ACO2: variants seen among roughly 807,000 people sequenced by gnomAD.
The protein encoded by ACO2 is aconitase 2.
In ACO2, 31 loss-of-function variants were observed where a neutral mutation model predicts 84.5. The observed-to-expected ratio is 0.37, with a 90% CI of 0.28 to 0.50. ACO2 has a LOEUF of 0.50. Among genes scored for constraint, ACO2 ranks in the 20% least tolerant of loss-of-function variants. The probability of loss-of-function intolerance (pLI) is 0.97; values close to 1 mark genes in which losing one functional copy is unlikely to be tolerated. For missense variants in ACO2, 685 were observed against 1,029.3 expected, an observed-to-expected ratio of 0.67 and a Z score of 4.58; for synonymous variants, 414 against 412.7, an observed-to-expected ratio of 1.00 and a Z score of -0.04.
At chr22:41,469,813 G>A (rs1428237869) in intron 1 of ACO2, among the ~76,000 whole-genome samples, 1 of 134,248 alleles carries the variant, frequency 7.4e-6, no homozygotes. Flanking sequence ...TCCTGTAATC[G>A]TAGGAATGAG....
At chr22:41,509,162 C>G (rs1021710092) in intron 3 of ACO2, among the ~76,000 whole-genome samples, 15 of 152,204 alleles carry the variant, frequency 9.9e-5, no homozygotes, top group Non-Finnish European at 2.2e-4. Context: ...AACGTGGGTC[C>G]TCTGCAGCCC....
chr22:41,525,317 A>C lies in ACO2; in HGVS notation c.1730A>C (p.Lys577Thr). ...LLEPFDKWDGKDLEDLQILIK... is the reference protein window; with the variant it reads ...LLEPFDKWDGTDLEDLQILIK... ...GAGCCTTTTGACAAGTGGGATGGCA[A>C]GGACCTGGAGGACCTGCAGATCCTC... The change falls in exon 14 of 18, where the codon AAG becomes ACG. Residue 577 changes from lysine to threonine, a missense_variant. Lys to Thr is a moderately conservative substitution (Grantham distance 78). Coordinates refer to ENST00000216254, the MANE Select transcript of ACO2 (RefSeq NM_001098.3). 1.2e-6 allele frequency: 2 copies of C among 1,614,014 alleles called. No homozygotes were observed. The highest frequency in any genetic ancestry group is 1.7e-6 in the Non-Finnish European group (2 of 1,180,012).
At chr22:41,506,397 C>G (rs914195538) in intron 2 of ACO2, among the ~76,000 whole-genome samples, 2 of 152,106 alleles carry the variant, frequency 1.3e-5, no homozygotes, top group Non-Finnish European at 2.9e-5. Flanking sequence ...GGACTACAGG[C>G]GCCCGCCACC....
At chr22:41,527,169 C>T in intron 15 of ACO2, 119 bp from the exon 16 acceptor site, 1 of 1,504,660 alleles carries the variant, frequency 6.6e-7, no homozygotes, top group Non-Finnish European at 9.1e-7. Context: ...CCTCCAGCCC[C>T]TTTACCGGGA....
In ACO2 at chr22:41,527,311, G is replaced by A. The variant is rs773274938; in HGVS notation, c.1977G>A (p.Val659=). 33 of 1,614,060 alleles carry A rather than the reference G, an allele frequency of 2.0e-5. No homozygotes were observed. The South Asian group carries it at 3.6e-4, about 18-fold the overall frequency. Residue 659 remains valine, a synonymous_variant, in exon 16 of 18, where the codon GTG becomes GTA. Transcript: ENST00000216254. Reference sequence around the variant, plus strand: ...AGAAACATGGCATCAGGTGGGTGGTGATCGGAGACGAGAACTACGGCGAGG... The same window carrying A: ...AGAAACATGGCATCAGGTGGGTGGTAATCGGAGACGAGAACTACGGCGAGG... ...YYKKHGIRWV[V]IGDENYGEGS...
chr22:41,511,965 C>G lies in ACO2; in HGVS notation c.522C>G (p.His174Gln). Reference sequence around the variant, plus strand: ...GGAAGCCTGGATCTGGAATCATTCACCAGGTAAAGCTGGGCTCAGTCTGCC... The same window carrying G: ...GGAAGCCTGGATCTGGAATCATTCAGCAGGTAAAGCTGGGCTCAGTCTGCC... The part of the protein sequence containing the change: ...GFWKPGSGII[H>Q]QIILENYAYP... Residue 174 changes from histidine to glutamine, a missense_variant, in exon 4 of 18, where the codon CAC becomes CAG. Coordinates refer to ENST00000216254, the MANE Select transcript of ACO2 (RefSeq NM_001098.3). 1 of 1,608,230 alleles carries G rather than the reference C, an allele frequency of 6.2e-7. No individual in the cohort carries two copies. The highest frequency in any genetic ancestry group is 1.7e-4 in the Middle Eastern group (1 of 6,020).
At chr22:41,526,150 C>T in intron 14 of ACO2, 112 bp from the exon 15 acceptor site, 7 of 911,580 alleles carry the variant, frequency 7.7e-6, no homozygotes, top group South Asian at 1.6e-5. Flanking sequence ...TGCCTCTCAC[C>T]CCTCTGTCAC....
chr22:41,517,672 CATGCCCGCTCCTCCCCAAGACAGAGCT>C (rs1301558163), intron 7 of ACO2, 41 bp downstream of exon 7: 2 of 1,533,018 alleles, frequency 1.3e-6, no homozygotes, highest in Non-Finnish European at 1.8e-6. Flanking sequence ...GGAACAGTCA[CATGCCCGCTCCTCCCCAAGACAGAGCT>C]ATGCCTTTCC....
chr22:41,469,802 T>C (rs1220793277), intron 1 of ACO2, among the ~76,000 whole-genome samples: 1 of 149,036 alleles, frequency 6.7e-6, no homozygotes, highest in Non-Finnish European at 1.5e-5. Flanking sequence ...TATTATTTGA[T>C]TCCTGTAATC....
At position 41,516,041 on chromosome 22, in the gene ACO2, G is replaced by A. The variant is rs112533478; in HGVS notation, c.835+124G>A. On this transcript the variant is annotated intron_variant, in intron 6 of 17. Coordinates refer to ENST00000216254, the MANE Select transcript of ACO2 (RefSeq NM_001098.3). ...CTGTCTGTTCCATTTGGGGACTTGGGATAGACAGAGGTAGAAGGAAAATTG... is the reference window on the plus strand; with the variant it reads ...CTGTCTGTTCCATTTGGGGACTTGGAATAGACAGAGGTAGAAGGAAAATTG... 132 of 1,307,122 alleles carry A rather than the reference G, an allele frequency of 1.0e-4. 6 individuals carry two copies. Among genetic ancestry groups the A allele is most frequent in the African/African-American group, 9.7e-4 (66 of 68,260 alleles). The allele number at this position is 1,307,122 out of a possible 1,614,324, so 81.0% of individuals were successfully genotyped here.
intron 14 of ACO2, 28 bp downstream of exon 14, chr22:41,525,376 C>G: frequency 6.2e-7 from 1 of 1,610,164 alleles, no homozygotes; most frequent in South Asian, 1.1e-5. Context: ...GGCAGGACAG[C>G]CCCACCCTGC....
intron 1 of ACO2, among the ~76,000 whole-genome samples, chr22:41,475,864 C>T (rs1014867782): frequency 1.4e-4 from 21 of 150,312 alleles, no homozygotes; most frequent in African/African-American, 4.7e-4. Context: ...CGCCACTGCA[C>T]TCCAGCCTGG....
intron 1 of ACO2, among the ~76,000 whole-genome samples, chr22:41,475,897 CAAAA>C (rs34893746): frequency 4.4e-5 from 5 of 112,952 alleles, no homozygotes; most frequent in Admixed American, 9.3e-5. Context: ...AACTCTGTCT[CAAAA>C]AAAAAAAAAA....
At chr22:41,509,584 A>T (rs1351770350) in intron 3 of ACO2, among the ~76,000 whole-genome samples, 1 of 152,166 alleles carries the variant, frequency 6.6e-6, no homozygotes, top group African/African-American at 2.4e-5. Flanking sequence ...AGTTGCATTG[A>T]CTGGAGGAAG....
At chr22:41,486,029 C>T (rs1296292918) in intron 1 of ACO2, among the ~76,000 whole-genome samples, 3 of 152,172 alleles carry the variant, frequency 2.0e-5, no homozygotes, top group Non-Finnish European at 2.9e-5. Context: ...CCTGCTCAGG[C>T]GCTGCTCTCT....
At chr22:41,520,302 T>C (rs1463291945) in intron 9 of ACO2, 26 bp downstream of exon 9, 3 of 1,591,152 alleles carry the variant, frequency 1.9e-6, no homozygotes, top group Non-Finnish European at 2.6e-6. Context: ...CCCATCTGTT[T>C]AGCAGGTCTC....
chr22:41,489,561 T>C (rs948696895), intron 1 of ACO2, among the ~76,000 whole-genome samples: 7 of 152,164 alleles, frequency 4.6e-5, no homozygotes, highest in Admixed American at 4.6e-4. Flanking sequence ...ACCAGGCCAG[T>C]TTTCCTGTAG....
intron 1 of ACO2, among the ~76,000 whole-genome samples, chr22:41,476,287 A>G (rs1464747126): frequency 6.6e-6 from 1 of 150,828 alleles, no homozygotes; most frequent in Non-Finnish European, 1.5e-5. Context: ...CATGCCTGTA[A>G]TCTCAGTTAC....
In ACO2 at chr22:41,469,157, A is replaced by G. The variant is rs1432057983; in HGVS notation, c.11A>G (p.Tyr4Cys). Residue 4 changes from tyrosine to cysteine, a missense_variant, in exon 1 of 18, where the codon TAC (tyrosine) becomes TGC (cysteine). Tyr to Cys is a radical substitution (Grantham distance 194). This residue lies in a region of ACO2 where 98 missense variants were observed against 107.6 expected (regional missense o/e 0.91). Coordinates refer to ENST00000216254, the MANE Select transcript of ACO2 (RefSeq NM_001098.3). ...TTGTCAGTGCACAAAATGGCGCCCT[A>G]CAGCCTACTGGTGACTCGGCTGCAG... MAP[Y>C]SLLVTRLQKA... is the part of the protein sequence containing the mutation. 5.0e-6 allele frequency: 8 copies of G among 1,609,712 alleles called. No homozygotes were observed. Among genetic ancestry groups the G allele is most frequent in the Non-Finnish European group, 5.1e-6 (6 of 1,177,930 alleles).
Sources: gnomAD v4.1 joint callset for allele counts (sites outside exome capture counted in the v4.1 genomes callset) on GRCh38, gnomAD v4.1.1 for gene constraint, gnomAD v4.1.1 regional missense constraint, MANE v1.5 for transcripts, NCBI Gene and HGNC (gene_info 2026-07-23, HGNC 2026-07-21) for gene names.